Variants in GNAS observed in about 807,000 individuals in gnomAD.
The protein encoded by GNAS is protein ALEX.
In GNAS, 8 loss-of-function variants were observed where a neutral mutation model predicts 54.5. That is an observed-to-expected ratio of 0.15 (90% CI 0.09 to 0.26). GNAS has a LOEUF of 0.26. GNAS is among the 10% of genes least tolerant of loss of function. The pLI, the probability that GNAS is intolerant of heterozygous loss-of-function variation, is 1.00. For synonymous variants in GNAS, 204 were observed against 191.4 expected (o/e 1.07, Z -0.54); for missense variants, 170 against 529.8 (o/e 0.32, Z 6.67).
intron 1 of GNAS, among the ~76,000 whole-genome samples, chr20:58,864,928 G>GACACAC (rs144642876): frequency 0.029 from 3,984 of 138,878 alleles, 75 homozygotes; most frequent in Middle Eastern, 0.047. Context: ...CTACCTACCA[G>GACACAC]ACACACACAC....
intron 1 of GNAS, among the ~76,000 whole-genome samples, chr20:58,848,520 CTAT>C (rs781294680): frequency 1.3e-5 from 2 of 152,222 alleles, no homozygotes; most frequent in Non-Finnish European, 2.9e-5. Flanking sequence ...AGGTACTTTG[CTAT>C]TATACAATTA....
intron 1 of GNAS, among the ~76,000 whole-genome samples, chr20:58,892,761 A>G (rs891854377): frequency 3.9e-5 from 6 of 152,104 alleles, no homozygotes; most frequent in Non-Finnish European, 8.8e-5. Flanking sequence ...TAGTACGAGA[A>G]GTGCCCAGTG....
At chr20:58,893,066 C>CTTTTT (rs869179421) in intron 1 of GNAS, among the ~76,000 whole-genome samples, 14 of 103,092 alleles carry the variant, frequency 1.4e-4, no homozygotes, top group African/African-American at 3.3e-4. Flanking sequence ...GGCGTGGTTT[C>CTTTTT]TTTTTTTTTT....
intron 1 of GNAS, chr20:58,854,855 C>T (rs776188672): frequency 6.3e-5 from 100 of 1,597,206 alleles, no homozygotes; most frequent in Non-Finnish European, 8.3e-5. Context: ...ATCTCAGACC[C>T]CCCAGCCCCG....
At chr20:58,842,142 T>C (rs2145482152) in intron 1 of GNAS, 1 of 399,060 alleles carries the variant, frequency 2.5e-6, no homozygotes, top group Non-Finnish European at 4.4e-6. Flanking sequence ...GAATCTGCTC[T>C]GATGACCCAG....
chr20:58,849,739 C>T (rs990485523), intron 1 of GNAS, among the ~76,000 whole-genome samples: 2 of 152,156 alleles, frequency 1.3e-5, no homozygotes, highest in African/African-American at 4.8e-5. Context: ...CTTTGGGACC[C>T]CTCTTGAGTG....
chr20:58,839,817 T>G (rs2085653201), upstream of GNAS: 2 of 592,502 alleles, frequency 3.4e-6, no homozygotes, highest in Non-Finnish European at 6.0e-6. Context: ...GGCTGCGGAA[T>G]CTAAGACTCA....
intron 1 of GNAS, among the ~76,000 whole-genome samples, chr20:58,868,989 C>G: frequency 6.6e-6 from 1 of 152,200 alleles, no homozygotes; most frequent in East Asian, 1.9e-4. Context: ...CCTAAATCCT[C>G]CTTCCCAAGG....
At chr20:58,905,126 CT>C (rs1244821946) in intron 5 of GNAS, among the ~76,000 whole-genome samples, 2 of 152,204 alleles carry the variant, frequency 1.3e-5, no homozygotes, top group African/African-American at 4.8e-5. Context: ...CCCATTCCCC[CT>C]ACACACGAGA....
chr20:58,854,036 AGTCGCGGCCTCGAGTGCG>A, intron 1 of GNAS: 1 of 1,611,258 alleles, frequency 6.2e-7, no homozygotes. Context: ...AGTTCGCGGC[AGTCGCGGCCTCGAGTGCG>A]GTCCGCCTCA....
chr20:58,893,798 A>G (rs569477955), intron 1 of GNAS, among the ~76,000 whole-genome samples: 1 of 152,392 alleles, frequency 6.6e-6, no homozygotes, highest in East Asian at 1.9e-4. Flanking sequence ...ATGCTATCTC[A>G]GTACTACTTT....
Position 58,910,534 on chromosome 20 carries a change from A to G in GNAS, c.1038+133A>G. On this transcript the variant is annotated intron_variant, in intron 12 of 12. Coordinates refer to ENST00000371085, the MANE Select transcript of GNAS (RefSeq NM_000516.7). The surrounding 1 kb of genome is among the most constrained non-coding windows in gnomAD (Gnocchi z 5.8). ...TTTAGTTCACGCACATCCAGTGTGG[A>G]TTTGAGCTCTTTGCGCCCCTCTTTT... 8.6e-7 allele frequency: 1 copy of G among 1,163,126 alleles called. No homozygotes were observed. Among genetic ancestry groups the G allele is most frequent in the South Asian group, 1.3e-5 (1 of 79,848 alleles). The allele number at this position is 1,163,126 out of a possible 1,614,324, so 72.1% of individuals were successfully genotyped here. A position where few individuals can be genotyped will look rare whatever the true frequency, so the allele number is the denominator to read the frequency against.
upstream of GNAS, among the ~76,000 whole-genome samples, chr20:58,886,735 C>G (rs182137570): frequency 1.3e-3 from 196 of 152,084 alleles, 2 homozygotes; most frequent in African/African-American, 4.6e-3. Context: ...TCTCTTCTTT[C>G]ACTTTGTGTG....
intron 1 of GNAS, among the ~76,000 whole-genome samples, chr20:58,874,960 C>T (rs2087711136): frequency 6.6e-6 from 1 of 152,116 alleles, no homozygotes; most frequent in African/African-American, 2.4e-5. Context: ...ATTTATTACC[C>T]TTGAAATAAT....
At chr20:58,894,802 G>A (rs6026585) in intron 1 of GNAS, among the ~76,000 whole-genome samples, 130 of 152,254 alleles carry the variant, frequency 8.5e-4, no homozygotes, top group African/African-American at 2.9e-3. Flanking sequence ...TTGTTCTTAT[G>A]TTACTTTTTA....
chr20:58,903,843 T>C (rs765686703), intron 5 of GNAS, 52 bp downstream of exon 5: 3 of 1,605,568 alleles, frequency 1.9e-6, no homozygotes, highest in African/African-American at 2.7e-5. Flanking sequence ...CTGAGCACAG[T>C]GTCCATATAG....
At chr20:58,889,222 C>CTGGCG (rs1555882377), upstream of GNAS, 5 of 1,199,928 alleles carry the variant, frequency 4.2e-6, no homozygotes, top group East Asian at 1.9e-4. Context: ...AGGTGGCTGG[C>CTGGCG]CGGCGCGGCG....
chr20:58,842,282 T>C, intron 1 of GNAS: 1 of 398,086 alleles, frequency 2.5e-6, no homozygotes. Context: ...AATTGATTTT[T>C]TTTTTCCTGG....
intron 1 of GNAS, among the ~76,000 whole-genome samples, chr20:58,882,545 C>T (rs1244430674): frequency 1.3e-5 from 2 of 152,202 alleles, no homozygotes; most frequent in Non-Finnish European, 2.9e-5. Flanking sequence ...GGGCAAACAA[C>T]GAGTACACCT....
Sources: allele counts gnomAD v4.1 joint callset (sites outside exome capture counted in the v4.1 genomes callset), GRCh38; gene constraint gnomAD v4.1.1; non-coding constraint Gnocchi (gnomAD v3.1); transcripts MANE v1.5; gene names NCBI Gene and HGNC (gene_info 2026-07-23, HGNC 2026-07-21).